The following GTPBP8 variants were observed in gnomAD, a reference collection of about 807,000 sequenced individuals.
The protein encoded by GTPBP8 is GTP binding protein 8, also known as GTP-binding protein 8.
Under a neutral mutation model 27.3 loss-of-function variants are expected in GTPBP8, and 21 were observed. That is an observed-to-expected ratio of 0.77 (90% confidence interval 0.55 to 1.11). The LOEUF is 1.11. Ranked by LOEUF, GTPBP8 falls within the 50% of genes least tolerant of loss-of-function variation. The pLI is 0.00. For synonymous variants in GTPBP8, 147 were observed against 135.3 expected, an observed-to-expected ratio of 1.09 and a Z score of -0.60; for missense variants, 380 against 350.8, an observed-to-expected ratio of 1.08 and a Z score of -0.67.
At chr3:112,999,314 A>G (rs987596060) in intron 4 of GTPBP8, 132 bp from the exon 5 acceptor site, 2 of 490,024 alleles carry the variant, frequency 4.1e-6, no homozygotes, top group Non-Finnish European at 7.4e-6. Context: ...TTTTTATTTT[A>G]TAGATGAGGA....
Position 112,991,157 on chromosome 3 carries a change from A to C in GTPBP8, c.158A>C (p.Glu53Ala), listed in dbSNP as rs1933663088. 1 of 1,614,100 alleles carries C rather than the reference A, an allele frequency of 6.2e-7. No homozygotes were observed. The highest frequency in any genetic ancestry group is 1.3e-5 in the African/African-American group (1 of 75,054). ...QLRKLLYPLQ[E>A]VERFLAPYGR... is the part of the protein sequence containing the mutation. ...AGGAAGCTGCTGTACCCGCTGCAGG[A>C]AGTAGAGCGGTTCCTCGCCCCCTAC... The change falls in exon 1 of 6, where the codon GAA (glutamate) becomes GCA (alanine). Residue 53 changes from glutamate (E) to alanine (A), a missense_variant. By Grantham distance (107) the Glu-to-Ala change is moderately radical. Transcript: ENST00000383678.
rs1933902969 is a variant in GTPBP8, at chr3:113,001,231, T to G, written c.*312T>G. 1.6e-5 allele frequency: 3 copies of G among 192,052 alleles called. No homozygotes were observed. The highest frequency in any genetic ancestry group is 2.3e-5 in the African/African-American group (1 of 42,884). 11.9% of individuals were successfully genotyped at this position (192,052 alleles called of 1,614,324 possible). ...AACTATGTACAGAAGGGTTTGACGTTTTATTGGGCTTTTGTCTTTTAAAGA... is the reference window on the plus strand; with the variant it reads ...AACTATGTACAGAAGGGTTTGACGTGTTATTGGGCTTTTGTCTTTTAAAGA... On this transcript the variant is annotated 3_prime_UTR_variant, in exon 6 of 6. Transcript: ENST00000383678.
At chr3:112,996,047 A>C (rs1933779440) in intron 3 of GTPBP8, among the ~76,000 whole-genome samples, 1 of 152,238 alleles carries the variant, frequency 6.6e-6, no homozygotes, top group African/African-American at 2.4e-5. Context: ...TTGAAATGAA[A>C]AAAATGTATC....
chr3:112,994,766 A>C (rs1050008357), intron 2 of GTPBP8, among the ~76,000 whole-genome samples: 2 of 152,182 alleles, frequency 1.3e-5, no homozygotes, highest in African/African-American at 4.8e-5. Context: ...TAAAGTGGAG[A>C]TACATTGTTC....
Position 112,991,298 on chromosome 3 carries a change from T to C in GTPBP8, c.299T>C (p.Val100Ala), listed in dbSNP as rs146180102. Residue 100 changes from valine (V) to alanine (A), a missense_variant, in exon 1 of 6, where the codon GTC (valine) becomes GCC (alanine). By Grantham distance (64) the Val-to-Ala change is moderately conservative. Coordinates refer to ENST00000383678, the MANE Select transcript of GTPBP8 (RefSeq NM_014170.4). ...RNRIDYVSSAVRIDHAPDLPR... is the reference protein window; with the variant it reads ...RNRIDYVSSAARIDHAPDLPR... ...CGCATCGACTACGTCAGCTCCGCCG[T>C]CCGTATCGACCACGCCCCGGACCTT... The C allele has an allele frequency of 1.0e-4, 165 of 1,613,538 alleles. No homozygotes were observed. Among genetic ancestry groups the C allele is most frequent in the Non-Finnish European group, 3.1e-5 (36 of 1,180,026 alleles).
At position 112,997,009 on chromosome 3, in the gene GTPBP8, A is replaced by T; in HGVS notation, c.666+18A>T. On this transcript the variant is annotated intron_variant, in intron 4 of 5. Coordinates refer to ENST00000383678, the MANE Select transcript of GTPBP8 (RefSeq NM_014170.4). Reference sequence around the variant, plus strand: ...CTTATGTGGTAAGTACTTCCTTTGAATCATGGTTGCAATTAGAAATATCAG... The same window carrying T: ...CTTATGTGGTAAGTACTTCCTTTGATTCATGGTTGCAATTAGAAATATCAG... 9.1e-7 allele frequency: 1 copy of T among 1,101,032 alleles called. No individual in the cohort carries two copies. The highest frequency in any genetic ancestry group is 1.4e-6 in the Non-Finnish European group (1 of 715,352). The allele number at this position is 1,101,032 out of a possible 1,614,324, so 68.2% of individuals were successfully genotyped here.
In GTPBP8 at chr3:112,991,217, C is replaced by A. The variant is rs927217576; in HGVS notation, c.218C>A (p.Pro73Gln). 6.2e-7 allele frequency: 1 copy of A among 1,614,052 alleles called. No individual in the cohort carries two copies. Among genetic ancestry groups the A allele is most frequent in the Non-Finnish European group, 8.5e-7 (1 of 1,180,034 alleles). Residue 73 changes from proline to glutamine, a missense_variant, in exon 1 of 6, where the codon CCA becomes CAA. Coordinates refer to ENST00000383678, the MANE Select transcript of GTPBP8 (RefSeq NM_014170.4). ...GACCTTCACCTGCGTATCTTTGACC[C>A]AAGCCCGGAGGACATAGCCAGGGCG... ...RQDLHLRIFDPSPEDIARADN... is the reference protein window; with the variant it reads ...RQDLHLRIFDQSPEDIARADN...
Position 112,991,205 on chromosome 3 carries a change from G to GT in GTPBP8, c.207dup (p.Ile70TyrfsTer3), listed in dbSNP as rs767555484. ...TACGGGAGGCAAGACCTTCACCTGCGTATCTTTGACCCAAGCCCGGAGGAC... is the reference window on the plus strand; with the variant it reads ...TACGGGAGGCAAGACCTTCACCTGCGTTATCTTTGACCCAAGCCCGGAGGAC... On this transcript the variant is annotated frameshift_variant, in exon 1 of 6. Coordinates refer to ENST00000383678, the MANE Select transcript of GTPBP8 (RefSeq NM_014170.4). LOFTEE classifies it high-confidence loss of function. 1.2e-5 allele frequency: 19 copies of GT among 1,614,172 alleles called. No homozygotes were observed. Among genetic ancestry groups the GT allele is most frequent in the African/African-American group, 4.0e-5 (3 of 75,060 alleles).
intron 5 of GTPBP8, 38 bp downstream of exon 5, chr3:112,999,602 A>G (rs371401969): frequency 1.2e-6 from 1 of 806,498 alleles, no homozygotes; most frequent in Non-Finnish European, 2.1e-6. Context: ...TTTTTTATGA[A>G]GTAATCTTGA....
Position 113,000,944 on chromosome 3 carries a change from CAAA to C in GTPBP8, c.*39_*41del, listed in dbSNP as rs34779191. On this transcript the variant is annotated 3_prime_UTR_variant, in exon 6 of 6. Transcript: ENST00000383678. Reference sequence around the variant, plus strand: ...ATGGTTCCCGGTTTAGCTGAAGATTCAAAAAAAAAAAAAAAAGCTTTATGCTAA... The same window carrying C: ...ATGGTTCCCGGTTTAGCTGAAGATTCAAAAAAAAAAAAAGCTTTATGCTAA... The C allele has an allele frequency of 5.5e-3, 4,432 of 808,558 alleles. No individual in the cohort carries two copies. Among genetic ancestry groups the C allele is most frequent in the South Asian group, 8.4e-3 (496 of 58,704 alleles). The allele number at this position is 808,558 out of a possible 1,614,324, so 50.1% of individuals were successfully genotyped here.
rs544888354 is a variant in GTPBP8, at chr3:113,000,698, C to T, written c.786-152C>T. On this transcript the variant is annotated intron_variant, in intron 5 of 5. Transcript: ENST00000383678. The stretch of plus-strand genomic sequence containing the variant: ...TCAGATTTTAGAATACTACAAGACG[C>T]GGCTGGGGGAAGAGAAGAAAGCTAG... 7.1e-5 allele frequency: 35 copies of T among 493,862 alleles called. No homozygotes were observed. In the East Asian group the frequency reaches 8.3e-4, roughly 12 times the overall value. 30.6% of individuals were successfully genotyped at this position (493,862 alleles called of 1,614,324 possible).
chr3:112,991,179 C>T lies in GTPBP8; in HGVS notation c.180C>T (p.Pro60=), dbSNP rs755579593. The T allele has an allele frequency of 5.6e-6, 9 of 1,614,178 alleles. No individual in the cohort carries two copies. The East Asian group carries it at 1.8e-4, about 32-fold the overall frequency. The part of the protein sequence containing the change: ...PLQEVERFLA[P]YGRQDLHLRI... ...AGGAAGTAGAGCGGTTCCTCGCCCC[C>T]TACGGGAGGCAAGACCTTCACCTGC... is the stretch of plus-strand genomic sequence containing the variant. Residue 60 remains proline (P), a synonymous_variant, in exon 1 of 6, where the codon CCC becomes CCT. Transcript: ENST00000383678.
chr3:112,999,373 A>C, intron 4 of GTPBP8, 73 bp from the exon 5 acceptor site: 1 of 574,040 alleles, frequency 1.7e-6, no homozygotes, highest in Middle Eastern at 4.4e-4. Context: ...GTAAATGAAA[A>C]ATTATAGCTA....
At chr3:112,996,317 T>C (rs1215596090) in intron 3 of GTPBP8, among the ~76,000 whole-genome samples, 1 of 150,074 alleles carries the variant, frequency 6.7e-6, no homozygotes, top group African/African-American at 2.5e-5. Context: ...AAAAAAAAAA[T>C]CAGCCAGGCA....
At chr3:112,996,814 T>C (rs890882342) in intron 3 of GTPBP8, 78 bp from the exon 4 acceptor site, 23 of 707,236 alleles carry the variant, frequency 3.3e-5, no homozygotes, top group South Asian at 3.1e-4. Context: ...AAGAATTTCT[T>C]AGTACAGTAA....
At chr3:112,999,613 G>C (rs772270054) in intron 5 of GTPBP8, 49 bp downstream of exon 5, 1 of 753,076 alleles carries the variant, frequency 1.3e-6, no homozygotes, top group South Asian at 1.8e-5. Context: ...GTAATCTTGA[G>C]AATGTTGTGG....
intron 2 of GTPBP8, among the ~76,000 whole-genome samples, chr3:112,993,332 A>T (rs1054672797): frequency 1.9e-5 from 2 of 107,610 alleles, no homozygotes; most frequent in Non-Finnish European, 5.0e-5. Context: ...AGTCTAGACA[A>T]TATCTTCAGA....
chr3:112,991,570 A>C (rs2107364302), intron 1 of GTPBP8: 1 of 687,092 alleles, frequency 1.5e-6, no homozygotes, highest in East Asian at 2.8e-5. Context: ...TAAAGTCAAA[A>C]ATCGTTAAGT....
rs1451794165 is a variant in GTPBP8, at chr3:112,991,824, T to G, written c.336+489T>G. 3.0e-5 allele frequency: 7 copies of G among 231,636 alleles called. No individual in the cohort carries two copies. In the East Asian group the frequency reaches 9.1e-4, roughly 30 times the overall value. 14.3% of individuals were successfully genotyped at this position (231,636 alleles called of 1,614,324 possible). On this transcript the variant is annotated intron_variant, in intron 1 of 5. Transcript: ENST00000383678. ...AAATGAGATGGTCCTTATCAATAAG[T>G]AACTTTCGCCTAATCTAAATTTCCT...
Sources: allele counts gnomAD v4.1 joint callset (sites outside exome capture counted in the v4.1 genomes callset), GRCh38; gene constraint gnomAD v4.1.1; transcripts MANE v1.5; gene names NCBI Gene and HGNC (gene_info 2026-07-23, HGNC 2026-07-21).